FRZB: variants seen among roughly 807,000 people sequenced by gnomAD.
FRZB encodes the protein secreted frizzled-related protein 3.
A neutral mutation model predicts 32.5 loss-of-function variants in FRZB; 34 were observed. That is an observed-to-expected ratio of 1.05 (90% CI 0.80 to 1.39). The LOEUF is 1.39. FRZB is among the 40% of genes most tolerant of loss of function. The probability of loss-of-function intolerance (pLI) is 0.00; values close to 1 mark genes in which losing one functional copy is unlikely to be tolerated. For synonymous variants in FRZB, 170 were observed against 159.2 expected (o/e 1.07, Z -0.51); for missense variants, 423 against 424.8 (o/e 1.00, Z 0.04).
In FRZB at chr2:182,834,155, A is replaced by G. The variant is rs184162598; in HGVS notation, c.*694T>C. 59 of 152,350 alleles carry G rather than the reference A, an allele frequency of 3.9e-4. No homozygotes were observed. Among genetic ancestry groups the G allele is most frequent in the Admixed American group, 1.7e-3 (26 of 15,290 alleles). The allele number at this position is 152,350 out of a possible 1,614,324, so 9.4% of individuals were successfully genotyped here. A position where few individuals can be genotyped will look rare whatever the true frequency, so the allele number is the denominator to read the frequency against. On this transcript the variant is annotated 3_prime_UTR_variant, in exon 6 of 6. Transcript: ENST00000295113. ...AATGTATTGCCAAAAGAAGAATGCTACCATTAACACCCCAGCGGCTACTGG... is the reference window on the plus strand; with the variant it reads ...AATGTATTGCCAAAAGAAGAATGCTGCCATTAACACCCCAGCGGCTACTGG...
intron 2 of FRZB, among the ~76,000 whole-genome samples, chr2:182,845,088 C>T (rs1412409120): frequency 6.6e-6 from 1 of 152,122 alleles, no homozygotes; most frequent in African/African-American, 2.4e-5. Flanking sequence ...TTTATGCTTA[C>T]TCAACCCAAA....
intron 5 of FRZB, among the ~76,000 whole-genome samples, chr2:182,837,096 C>T (rs1426645440): frequency 7.0e-6 from 1 of 142,800 alleles, no homozygotes; most frequent in Admixed American, 7.1e-5. Flanking sequence ...ACCCACACAT[C>T]CTTTGAGATT....
At chr2:182,863,617 T>C (rs1053190463) in intron 1 of FRZB, among the ~76,000 whole-genome samples, 1 of 152,210 alleles carries the variant, frequency 6.6e-6, no homozygotes, top group Non-Finnish European at 1.5e-5. Context: ...GGAGACCTCA[T>C]TTTTATATCT....
Position 182,840,115 on chromosome 2 carries a change from A to ATTCTCT in FRZB, c.593-1503_593-1502insAGAGAA, listed in dbSNP as rs1695571546. Among the ~76,000 whole-genome samples, 8 of 152,254 alleles carry ATTCTCT rather than the reference A, an allele frequency of 5.3e-5. No individual in the cohort carries two copies. In the South Asian group the frequency reaches 1.7e-3, roughly 32 times the overall value. ...CCTCAAGTATGAGAACGTGTAGCAA[A>ATTCTCT]CAAACTGTAACTACCCAACTGTCCT... is the stretch of plus-strand genomic sequence containing the variant. On this transcript the variant is annotated intron_variant, in intron 3 of 5. Coordinates refer to ENST00000295113, the MANE Select transcript of FRZB (RefSeq NM_001463.4).
intron 2 of FRZB, among the ~76,000 whole-genome samples, chr2:182,845,198 TC>T (rs552386067): frequency 6.6e-6 from 1 of 152,110 alleles, no homozygotes; most frequent in Non-Finnish European, 1.5e-5. Flanking sequence ...AACGTACACA[TC>T]CCCACAAGCC....
chr2:182,852,893 G>C (rs1695725474), intron 2 of FRZB, among the ~76,000 whole-genome samples: 1 of 152,174 alleles, frequency 6.6e-6, no homozygotes, highest in Non-Finnish European at 1.5e-5. Context: ...TAAGCTTTGA[G>C]GCAAAGAATA....
chr2:182,836,459 C>T lies in FRZB; in HGVS notation c.861+1489G>A, dbSNP rs191874513. ...TTCTTTCCTTTAGAATATTTAAATC[C>T]AGACTGAGAATATAAATGACTTTAC... On this transcript the variant is annotated intron_variant, in intron 5 of 5. Transcript: ENST00000295113. 3.7e-3 allele frequency among the ~76,000 whole-genome samples: 560 copies of T among 151,982 alleles called. 17 individuals carry two copies. Among genetic ancestry groups the T allele is most frequent in the East Asian group, 4.5e-3 (23 of 5,160 alleles).
chr2:182,840,640 G>A (rs1695577182), intron 3 of FRZB, among the ~76,000 whole-genome samples: 2 of 151,972 alleles, frequency 1.3e-5, no homozygotes, highest in Admixed American at 6.6e-5. Flanking sequence ...TTAACCATTT[G>A]AGTGCCTCCC....
At chr2:182,854,841 G>C (rs1695750970) in intron 2 of FRZB, among the ~76,000 whole-genome samples, 2 of 152,152 alleles carry the variant, frequency 1.3e-5, no homozygotes. Flanking sequence ...TCTAGCCAAA[G>C]GACCAAAACG....
chr2:182,858,692 G>A, intron 2 of FRZB, 94 bp downstream of exon 2: 1 of 840,730 alleles, frequency 1.2e-6, no homozygotes. Context: ...AAAATGTAGG[G>A]CACAAGCTTC....
At position 182,834,805 on chromosome 2, in the gene FRZB, G is replaced by A. The variant is rs199621787; in HGVS notation, c.*44C>T. ...TTTGCTAGTCCAGCAATGCAAGTAA[G>A]TCTTAATAGGAAGTCCACTGTGTTA... On this transcript the variant is annotated 3_prime_UTR_variant, in exon 6 of 6. Coordinates refer to ENST00000295113, the MANE Select transcript of FRZB (RefSeq NM_001463.4). 2.2e-6 allele frequency: 3 copies of A among 1,363,460 alleles called. No individual in the cohort carries two copies. The highest frequency in any genetic ancestry group is 3.2e-6 in the Non-Finnish European group (3 of 952,074). The allele number at this position is 1,363,460 out of a possible 1,614,324, so 84.5% of individuals were successfully genotyped here. A position where few individuals can be genotyped will look rare whatever the true frequency, so the allele number is the denominator to read the frequency against.
At chr2:182,864,214 T>C (rs187169300) in intron 1 of FRZB, among the ~76,000 whole-genome samples, 2 of 152,358 alleles carry the variant, frequency 1.3e-5, no homozygotes, top group Non-Finnish European at 2.9e-5. Flanking sequence ...ATATTGACTA[T>C]GGCTTTTTGA....
At chr2:182,847,214 A>T (rs1214442642) in intron 2 of FRZB, among the ~76,000 whole-genome samples, 4 of 152,254 alleles carry the variant, frequency 2.6e-5, no homozygotes, top group Non-Finnish European at 4.4e-5. Flanking sequence ...AAGAACATAT[A>T]ACTTAATGAC....
intron 2 of FRZB, among the ~76,000 whole-genome samples, chr2:182,854,377 AC>A (rs1207524450): frequency 1.3e-5 from 2 of 152,172 alleles, no homozygotes; most frequent in African/African-American, 4.8e-5. Flanking sequence ...CAACATAAGA[AC>A]TCTAAAACGT....
At chr2:182,847,786 G>C (rs1344730211) in intron 2 of FRZB, among the ~76,000 whole-genome samples, 2 of 152,128 alleles carry the variant, frequency 1.3e-5, no homozygotes, top group Non-Finnish European at 2.9e-5. Flanking sequence ...AAATAGAAAG[G>C]CAAACCTTAT....
intron 2 of FRZB, among the ~76,000 whole-genome samples, chr2:182,843,216 C>A (rs890042388): frequency 6.6e-6 from 1 of 152,096 alleles, no homozygotes; most frequent in Non-Finnish European, 1.5e-5. Context: ...GACCAGAATG[C>A]ATATTTTATG....
At chr2:182,864,302 C>T (rs912972921) in intron 1 of FRZB, among the ~76,000 whole-genome samples, 18 of 152,134 alleles carry the variant, frequency 1.2e-4, no homozygotes, top group African/African-American at 4.3e-4. Context: ...TTGTGCTTTA[C>T]GGGGAGGAAT....
intron 2 of FRZB, among the ~76,000 whole-genome samples, chr2:182,855,024 G>C (rs1695752984): frequency 6.6e-6 from 1 of 152,248 alleles, no homozygotes; most frequent in Middle Eastern, 3.4e-3. Flanking sequence ...ATAAAGTATT[G>C]CTCTGACCTC....
chr2:182,844,086 C>G lies in FRZB; in HGVS notation c.527-1543G>C, dbSNP rs186972383. Among the ~76,000 whole-genome samples, 6 of 152,240 alleles carry G rather than the reference C, an allele frequency of 3.9e-5. No individual in the cohort carries two copies. The East Asian group carries it at 1.2e-3, about 29-fold the overall frequency. ...ATAGCAGTCCCGAAAAGAGTATCAC[C>G]CTTCCTGCCAGAGAAATAAGTATCT... On this transcript the variant is annotated intron_variant, in intron 2 of 5. Coordinates refer to ENST00000295113, the MANE Select transcript of FRZB (RefSeq NM_001463.4).
Sources: allele counts gnomAD v4.1 joint callset (sites outside exome capture counted in the v4.1 genomes callset), GRCh38; gene constraint gnomAD v4.1.1; transcripts MANE v1.5; gene names NCBI Gene and HGNC (gene_info 2026-07-23, HGNC 2026-07-21).